The following SYT16 variants were observed in gnomAD, a reference collection of about 807,000 sequenced individuals.
SYT16 encodes synaptotagmin 16, also known as synaptotagmin-16.
Under a neutral mutation model 61.4 loss-of-function variants are expected in SYT16, and 42 were observed. The ratio of observed to expected loss-of-function variants is 0.68; its 90% CI spans 0.53 to 0.89. The LOEUF is 0.89. SYT16 is among the 40% of genes least tolerant of loss of function. The probability of loss-of-function intolerance (pLI) is 0.00; values close to 1 mark genes in which losing one functional copy is unlikely to be tolerated. For missense variants in SYT16, 804 were observed against 807.3 expected (o/e 1.00, Z 0.05); for synonymous variants, 314 against 302.3 (o/e 1.04, Z -0.40).
intron 3 of SYT16, among the ~76,000 whole-genome samples, chr14:62,008,857 C>T (rs1031337321): frequency 2.6e-5 from 4 of 151,900 alleles, no homozygotes; most frequent in Non-Finnish European, 5.9e-5. Context: ...TACCATTTTC[C>T]ATCCTTCAAT....
rs945309840 is a variant in SYT16 at position 61,850,093 on chromosome 14, T to C, written c.-325+37283T>C. Among the ~76,000 whole-genome samples the C allele has an allele frequency of 2.0e-5, 3 of 151,444 alleles. No homozygotes were observed. The East Asian group carries it at 5.8e-4, about 29-fold the overall frequency. ...AATAGTCATTCTGACTGGTGTAAGATGGTATCTCAGTGTGGTTTTAATTTG... is the reference window on the plus strand; with the variant it reads ...AATAGTCATTCTGACTGGTGTAAGACGGTATCTCAGTGTGGTTTTAATTTG... On this transcript the variant is annotated intron_variant, in intron 1 of 7. Transcript: ENST00000683842.
At chr14:62,034,085 T>C (rs951532664) in intron 3 of SYT16, among the ~76,000 whole-genome samples, 5 of 152,220 alleles carry the variant, frequency 3.3e-5, no homozygotes, top group Admixed American at 6.5e-5. Context: ...AAATGACCAA[T>C]AAGTATATGA....
chr14:61,920,698 T>G (rs1197701556), intron 1 of SYT16, among the ~76,000 whole-genome samples: 1 of 152,246 alleles, frequency 6.6e-6, no homozygotes, highest in Non-Finnish European at 1.5e-5. Flanking sequence ...ATTCATTTGT[T>G]GAATGAATAT....
intron 3 of SYT16, among the ~76,000 whole-genome samples, chr14:62,035,496 A>G (rs2054471579): frequency 6.6e-6 from 1 of 152,190 alleles, no homozygotes; most frequent in African/African-American, 2.4e-5. Flanking sequence ...AGGAATATAT[A>G]TTTAATTCCA....
rs780559793 is a variant in SYT16, at chr14:62,101,160, G to C, written c.*453G>C. 4 of 153,678 alleles carry C rather than the reference G, an allele frequency of 2.6e-5. No homozygotes were observed. The highest frequency in any genetic ancestry group is 5.8e-5 in the Non-Finnish European group (4 of 68,886). 9.5% of individuals were successfully genotyped at this position (153,678 alleles called of 1,614,324 possible). On this transcript the variant is annotated 3_prime_UTR_variant, in exon 8 of 8. Coordinates refer to ENST00000683842, the MANE Select transcript of SYT16 (RefSeq NM_001367656.1). ...AAAATATAGATATGAATCAGATGCT[G>C]AGCCTCATAAAAGAATCAAACTCTA...
intron 1 of SYT16, among the ~76,000 whole-genome samples, chr14:61,836,562 A>G (rs573034267): frequency 6.6e-6 from 1 of 151,832 alleles, no homozygotes; most frequent in South Asian, 2.1e-4. Flanking sequence ...TTTCCTTTCT[A>G]CTCCACCTCC....
intron 5 of SYT16, 81 bp downstream of exon 5, chr14:62,075,472 A>AG (rs1161016201): frequency 1.4e-5 from 20 of 1,389,144 alleles, no homozygotes; most frequent in Non-Finnish European, 1.8e-5. Flanking sequence ...TCTCTCTAAA[A>AG]AAAAAAAAAA....
intron 7 of SYT16, among the ~76,000 whole-genome samples, chr14:62,090,416 T>C (rs1476143524): frequency 6.6e-6 from 1 of 152,172 alleles, no homozygotes; most frequent in Admixed American, 6.5e-5. Flanking sequence ...AGCTCCCTCA[T>C]GTTTTGTGTG....
intron 1 of SYT16, among the ~76,000 whole-genome samples, chr14:61,820,713 C>T (rs952320207): frequency 6.6e-6 from 1 of 151,942 alleles, no homozygotes; most frequent in Non-Finnish European, 1.5e-5. Flanking sequence ...AACTCCTGAC[C>T]CCAAGTGATC....
intron 1 of SYT16, among the ~76,000 whole-genome samples, chr14:61,836,534 C>A (rs10141526): frequency 0.2 from 30,601 of 152,172 alleles, 3,402 homozygotes; most frequent in South Asian, 0.3. Flanking sequence ...CTCCTACATT[C>A]CTTCCCCAGT....
intron 1 of SYT16, among the ~76,000 whole-genome samples, chr14:61,864,000 G>C (rs1450781711): frequency 6.6e-6 from 1 of 152,206 alleles, no homozygotes; most frequent in African/African-American, 2.4e-5. Flanking sequence ...TACATTGTCT[G>C]TAGTTTTATA....
rs71117856 is a variant in SYT16 at position 61,820,469 on chromosome 14, G to GTTTTTTTTTTTTTTT, written c.-325+7675_-325+7689dup. On this transcript the variant is annotated intron_variant, in intron 1 of 7. Coordinates refer to ENST00000683842, the MANE Select transcript of SYT16 (RefSeq NM_001367656.1). ...ATATGCTTCAGGGCACCTCTTCAGA[G>GTTTTTTTTTTTTTTT]TTTTTTTTTTTTTTTTTTTTTTTTT... Among the ~76,000 whole-genome samples the GTTTTTTTTTTTTTTT allele has an allele frequency of 4.9e-5, 3 of 61,082 alleles. 1 individual carries two copies. Among genetic ancestry groups the GTTTTTTTTTTTTTTT allele is most frequent in the African/African-American group, 2.1e-4 (3 of 14,424 alleles). The allele number at this position is 61,082 out of a possible 152,430, so 40.1% of individuals were successfully genotyped here.
chr14:62,023,283 T>C (rs1595181631), intron 3 of SYT16, among the ~76,000 whole-genome samples: 1 of 152,200 alleles, frequency 6.6e-6, no homozygotes, highest in African/African-American at 2.4e-5. Flanking sequence ...ATGGCTCTTA[T>C]TGCTAACCTG....
intron 3 of SYT16, among the ~76,000 whole-genome samples, chr14:62,034,236 T>C (rs1284315803): frequency 6.6e-6 from 1 of 152,172 alleles, no homozygotes; most frequent in Non-Finnish European, 1.5e-5. Flanking sequence ...AATTGGAACC[T>C]TAATATACTG....
chr14:61,865,795 G>A (rs1216168355), intron 1 of SYT16, among the ~76,000 whole-genome samples: 1 of 152,030 alleles, frequency 6.6e-6, no homozygotes, highest in South Asian at 2.1e-4. Flanking sequence ...CATGTGAGAT[G>A]TAATGTGACA....
intron 1 of SYT16, among the ~76,000 whole-genome samples, chr14:61,891,641 G>C (rs2048134423): frequency 6.6e-6 from 1 of 152,138 alleles, no homozygotes; most frequent in African/African-American, 2.4e-5. Context: ...AGGTGATAAA[G>C]GTAGAACAAC....
intron 3 of SYT16, among the ~76,000 whole-genome samples, chr14:62,044,468 C>T (rs191660943): frequency 1.3e-5 from 2 of 151,938 alleles, no homozygotes; most frequent in African/African-American, 2.4e-5. Context: ...CCACCCCCAA[C>T]AGGCCCTGGT....
intron 3 of SYT16, among the ~76,000 whole-genome samples, chr14:62,045,827 T>C (rs12434559): frequency 0.066 from 9,962 of 151,244 alleles, 414 homozygotes; most frequent in East Asian, 0.11. Flanking sequence ...GTATATGTGC[T>C]ACATTTTCTT....
intron 3 of SYT16, among the ~76,000 whole-genome samples, chr14:62,040,300 A>T (rs2054676112): frequency 6.6e-6 from 1 of 152,158 alleles, no homozygotes; most frequent in Non-Finnish European, 1.5e-5. Flanking sequence ...AAATCAAGAT[A>T]TTGTTACTGA....
Sources: allele counts gnomAD v4.1 joint callset (sites outside exome capture counted in the v4.1 genomes callset), GRCh38; gene constraint gnomAD v4.1.1; transcripts MANE v1.5; gene names NCBI Gene and HGNC (gene_info 2026-07-23, HGNC 2026-07-21).